Variants in EIF4G3 observed in about 807,000 individuals in gnomAD.
EIF4G3 encodes eukaryotic translation initiation factor 4 gamma 3.
EIF4G3 carries 34 observed loss-of-function variants against 186.4 expected under a neutral mutation model. That is an observed-to-expected ratio of 0.18 (90% CI 0.14 to 0.24). EIF4G3 has a LOEUF of 0.24. Among genes scored for constraint, EIF4G3 ranks in the 10% least tolerant of loss-of-function variants. EIF4G3 has a pLI of 1.00. For synonymous variants in EIF4G3, 673 were observed against 679.5 expected (o/e 0.99, Z 0.15); for missense variants, 1,536 against 1,948.5 (o/e 0.79, Z 3.99).
At chr1:20,930,650 T>C (rs1375728222) in intron 14 of EIF4G3, among the ~76,000 whole-genome samples, 1 of 152,148 alleles carries the variant, frequency 6.6e-6, no homozygotes, top group Non-Finnish European at 1.5e-5. Flanking sequence ...TCCTCCTGCC[T>C]CAGCCTCCCA....
At chr1:21,045,574 A>G (rs1426981575) in intron 4 of EIF4G3, among the ~76,000 whole-genome samples, 1 of 152,230 alleles carries the variant, frequency 6.6e-6, no homozygotes, top group African/African-American at 2.4e-5. Context: ...TACTGTGAAT[A>G]TAGCTCCAAA....
intron 2 of EIF4G3, among the ~76,000 whole-genome samples, chr1:21,126,404 G>A (rs978768265): frequency 1.3e-5 from 2 of 151,760 alleles, no homozygotes; most frequent in African/African-American, 2.4e-5. Flanking sequence ...CAAGTCGAGG[G>A]AAACATTCCC....
chr1:20,815,658 G>GT (rs2060484950), intron 34 of EIF4G3, among the ~76,000 whole-genome samples: 1 of 131,562 alleles, frequency 7.6e-6, no homozygotes, highest in African/African-American at 2.8e-5. Flanking sequence ...GTGGGGGGGG[G>GT]TCAGCCCCCC....
intron 3 of EIF4G3, among the ~76,000 whole-genome samples, chr1:21,078,813 C>T (rs1572186540): frequency 6.6e-6 from 1 of 151,960 alleles, no homozygotes; most frequent in Non-Finnish European, 1.5e-5. Flanking sequence ...GGTGAAACCC[C>T]GTCTCTACTA....
chr1:21,139,966 T>G (rs749645917), intron 2 of EIF4G3, among the ~76,000 whole-genome samples: 1 of 152,186 alleles, frequency 6.6e-6, no homozygotes, highest in African/African-American at 2.4e-5. Context: ...TTTCTTCCAT[T>G]AGAAAAAAAT....
At chr1:20,822,559 A>T (rs1437584084) in intron 33 of EIF4G3, among the ~76,000 whole-genome samples, 2 of 146,732 alleles carry the variant, frequency 1.4e-5, no homozygotes, top group African/African-American at 2.5e-5. Flanking sequence ...ATTTGCTTGG[A>T]GCTTCATTTG....
Position 21,089,159 on chromosome 1 carries a change from A to T in EIF4G3, c.-217T>A. ...TCACCGTGCTGTAGACTGCTGAGAC[A>T]GCGGGAGTGAAGATTCGATCCTCAA... On this transcript the variant is annotated 5_prime_UTR_variant, in exon 3 of 37. Coordinates refer to ENST00000602326, the MANE Select transcript of EIF4G3 (RefSeq NM_001391906.1). 1 of 717,448 alleles carries T rather than the reference A, an allele frequency of 1.4e-6. No individual in the cohort carries two copies. The highest frequency in any genetic ancestry group is 2.0e-5 in the Admixed American group (1 of 50,026). The allele number at this position is 717,448 out of a possible 1,614,324, so 44.4% of individuals were successfully genotyped here.
Position 20,807,361 on chromosome 1 carries a change from G to A in EIF4G3, c.4884C>T (p.Phe1628=). ...CCTCTTCTGCTTCCCGCAGCCACGT[G>A]AAGAATGCCGTGACAGATTTCAGAG... is the stretch of plus-strand genomic sequence containing the variant. ...GVALKSVTAF[F]TWLREAEEES... is the part of the protein sequence containing the mutation. The change falls in exon 37 of 37, where the codon TTC becomes TTT. Residue 1628 remains phenylalanine, a synonymous_variant. Coordinates refer to ENST00000602326, the MANE Select transcript of EIF4G3 (RefSeq NM_001391906.1). 6.2e-7 allele frequency: 1 copy of A among 1,608,490 alleles called. No individual in the cohort carries two copies. The highest frequency in any genetic ancestry group is 1.1e-5 in the South Asian group (1 of 90,392).
At chr1:20,937,071 T>C (rs1179614690) in intron 14 of EIF4G3, among the ~76,000 whole-genome samples, 1 of 152,054 alleles carries the variant, frequency 6.6e-6, no homozygotes, top group Non-Finnish European at 1.5e-5. Flanking sequence ...TTAACACCCA[T>C]AAGAAAAGAG....
chr1:21,115,527 G>T (rs1026084237), intron 2 of EIF4G3, among the ~76,000 whole-genome samples: 3 of 152,118 alleles, frequency 2.0e-5, no homozygotes, highest in African/African-American at 7.2e-5. Flanking sequence ...AATTTGTTAG[G>T]AAACAAACAA....
chr1:21,088,570 T>C (rs888785461), intron 3 of EIF4G3, among the ~76,000 whole-genome samples: 1 of 150,894 alleles, frequency 6.6e-6, no homozygotes, highest in Non-Finnish European at 1.5e-5. Context: ...AGAAAGAAAA[T>C]AAAACTCAAG....
At chr1:20,974,825 T>C (rs1168947923) in intron 10 of EIF4G3, among the ~76,000 whole-genome samples, 1 of 152,134 alleles carries the variant, frequency 6.6e-6, no homozygotes, top group Non-Finnish European at 1.5e-5. Flanking sequence ...TGGGATCCAG[T>C]ACACACATAA....
intron 14 of EIF4G3, among the ~76,000 whole-genome samples, chr1:20,909,454 ATTAT>A (rs1454660895): frequency 4.6e-5 from 7 of 152,298 alleles, no homozygotes; most frequent in East Asian, 3.9e-4. Flanking sequence ...CTTTATCTAG[ATTAT>A]TTATTTATTC....
At chr1:21,092,444 C>G (rs1208161337) in intron 2 of EIF4G3, among the ~76,000 whole-genome samples, 1 of 152,058 alleles carries the variant, frequency 6.6e-6, no homozygotes, top group Non-Finnish European at 1.5e-5. Flanking sequence ...CTAAAATTCT[C>G]TTTTTTTGTT....
At chr1:21,160,712 C>A (rs1382762720) in intron 2 of EIF4G3, among the ~76,000 whole-genome samples, 1 of 152,118 alleles carries the variant, frequency 6.6e-6, no homozygotes, top group African/African-American at 2.4e-5. Flanking sequence ...TCAAAAGTGT[C>A]AAAGTCACAA....
At chr1:20,856,900 C>T (rs77887263) in intron 25 of EIF4G3, among the ~76,000 whole-genome samples, 68 of 152,130 alleles carry the variant, frequency 4.5e-4, no homozygotes, top group African/African-American at 1.6e-3. Context: ...CGGTGGCTCA[C>T]GCCTGTAATC....
intron 3 of EIF4G3, among the ~76,000 whole-genome samples, chr1:21,081,158 C>T (rs972533496): frequency 6.6e-6 from 1 of 152,194 alleles, no homozygotes; most frequent in African/African-American, 2.4e-5. Flanking sequence ...TTGGGCTGGG[C>T]GTGGTGGCTC....
At chr1:20,912,835 C>A (rs1203474474) in intron 14 of EIF4G3, among the ~76,000 whole-genome samples, 2 of 152,188 alleles carry the variant, frequency 1.3e-5, no homozygotes, top group African/African-American at 4.8e-5. Context: ...GGCTGTGAAT[C>A]CTATTCTGTC....
intron 3 of EIF4G3, among the ~76,000 whole-genome samples, chr1:21,053,380 C>T: frequency 1.3e-5 from 2 of 149,014 alleles, no homozygotes; most frequent in South Asian, 4.2e-4. Flanking sequence ...GGGGGTCAGC[C>T]CCCCGCCCGG....
Sources: allele counts gnomAD v4.1 joint callset (sites outside exome capture counted in the v4.1 genomes callset), GRCh38; gene constraint gnomAD v4.1.1; transcripts MANE v1.5; gene names NCBI Gene and HGNC (gene_info 2026-07-23, HGNC 2026-07-21).